LMX1A: variants seen among roughly 807,000 people sequenced by gnomAD.
The protein encoded by LMX1A is LIM homeobox transcription factor 1-alpha.
LMX1A carries 15 observed loss-of-function variants against 49.1 expected under a neutral mutation model. The ratio of observed to expected loss-of-function variants is 0.31; its 90% CI spans 0.20 to 0.47. The LOEUF (loss-of-function observed/expected upper bound fraction) is 0.47. Ranked by LOEUF, LMX1A falls within the 20% of genes least tolerant of loss-of-function variation. LMX1A has a pLI of 1.00. For synonymous variants in LMX1A, 167 were observed against 185.7 expected (o/e 0.90, Z 0.82); for missense variants, 372 against 475.8 (o/e 0.78, Z 2.03).
chr1:165,243,063 T>C (rs1403189782), intron 4 of LMX1A, among the ~76,000 whole-genome samples: 2 of 152,100 alleles, frequency 1.3e-5, no homozygotes, highest in African/African-American at 4.8e-5. Context: ...TATCGTTCAG[T>C]TGAGGGTTAT....
chr1:165,288,018 G>A (rs4361970), intron 3 of LMX1A, among the ~76,000 whole-genome samples: 16,464 of 152,234 alleles, frequency 0.11, 957 homozygotes, highest in Admixed American at 0.15. Context: ...TAATAAAACT[G>A]AAGTGTGTTA....
At chr1:165,241,357 T>G (rs969963830) in intron 4 of LMX1A, among the ~76,000 whole-genome samples, 82 of 152,376 alleles carry the variant, frequency 5.4e-4, no homozygotes, top group African/African-American at 1.9e-3. Flanking sequence ...ACACTGGCTC[T>G]CACACTAGGA....
chr1:165,298,693 A>G (rs10732283), intron 3 of LMX1A, among the ~76,000 whole-genome samples: 132,539 of 152,210 alleles, frequency 0.87, 57,774 homozygotes, highest in Middle Eastern at 0.92. Flanking sequence ...TAACTTCCCC[A>G]TAAAAGGAGC....
At chr1:165,315,698 C>A (rs111792639) in intron 3 of LMX1A, among the ~76,000 whole-genome samples, 5,270 of 152,242 alleles carry the variant, frequency 0.035, 264 homozygotes, top group African/African-American at 0.11. Context: ...GCCCCCTCTA[C>A]CCCCAGGAAA....
At chr1:165,313,253 C>T (rs977663709) in intron 3 of LMX1A, among the ~76,000 whole-genome samples, 2 of 152,090 alleles carry the variant, frequency 1.3e-5, no homozygotes, top group African/African-American at 4.8e-5. Flanking sequence ...GAGGGAGCAG[C>T]AGATGATTAA....
intron 3 of LMX1A, among the ~76,000 whole-genome samples, chr1:165,296,400 C>G (rs1654623873): frequency 6.6e-6 from 1 of 152,260 alleles, no homozygotes; most frequent in African/African-American, 2.4e-5. Context: ...GCAGGCCCCA[C>G]AGGGCACACT....
At chr1:165,249,380 G>A (rs377740848) in intron 4 of LMX1A, 28 bp downstream of exon 4, 109 of 1,542,298 alleles carry the variant, frequency 7.1e-5, no homozygotes, top group Middle Eastern at 5.1e-4. Flanking sequence ...CCACCCCACC[G>A]CAGCCCTGCC....
intron 3 of LMX1A, among the ~76,000 whole-genome samples, chr1:165,265,834 A>C (rs1653604182): frequency 6.6e-6 from 1 of 152,234 alleles, no homozygotes; most frequent in Non-Finnish European, 1.5e-5. Context: ...TTCACCAACG[A>C]GAAAACAACT....
chr1:165,322,725 A>C (rs1020689964), intron 3 of LMX1A, among the ~76,000 whole-genome samples: 8 of 152,182 alleles, frequency 5.3e-5, no homozygotes, highest in African/African-American at 1.9e-4. Flanking sequence ...GATGATGGAA[A>C]TATTCTGGAA....
At chr1:165,321,884 A>G (rs1655397563) in intron 3 of LMX1A, among the ~76,000 whole-genome samples, 1 of 152,168 alleles carries the variant, frequency 6.6e-6, no homozygotes, top group African/African-American at 2.4e-5. Flanking sequence ...TATCTAGGAT[A>G]TATAAAGAGT....
At chr1:165,238,659 G>T (rs1652535670) in intron 4 of LMX1A, among the ~76,000 whole-genome samples, 1 of 152,170 alleles carries the variant, frequency 6.6e-6, no homozygotes, top group African/African-American at 2.4e-5. Flanking sequence ...TATATGAAAA[G>T]GTCCTTCAGT....
At chr1:165,321,959 T>C (rs554600607) in intron 3 of LMX1A, among the ~76,000 whole-genome samples, 2 of 152,040 alleles carry the variant, frequency 1.3e-5, no homozygotes, top group African/African-American at 4.8e-5. Flanking sequence ...CCGGAATATA[T>C]AGAGTGCTAA....
chr1:165,225,926 C>T (rs16841290), intron 4 of LMX1A, among the ~76,000 whole-genome samples: 26,059 of 152,230 alleles, frequency 0.17, 2,502 homozygotes, highest in African/African-American at 0.25. Context: ...CACATTCTTA[C>T]TTTCAGTCAA....
intron 3 of LMX1A, among the ~76,000 whole-genome samples, chr1:165,285,599 T>A (rs1294524144): frequency 6.6e-6 from 1 of 152,164 alleles, no homozygotes; most frequent in Non-Finnish European, 1.5e-5. Flanking sequence ...GGGAAGATTA[T>A]GAAAGAGCCT....
chr1:165,206,858 CTTG>C (rs1469485348), intron 7 of LMX1A, among the ~76,000 whole-genome samples: 3 of 152,192 alleles, frequency 2.0e-5, no homozygotes, highest in African/African-American at 7.2e-5. Context: ...TAACATCTAC[CTTG>C]TTGTTAACAT....
At chr1:165,326,821 A>G (rs906634018) in intron 3 of LMX1A, among the ~76,000 whole-genome samples, 8 of 152,260 alleles carry the variant, frequency 5.3e-5, no homozygotes, top group African/African-American at 1.9e-4. Flanking sequence ...CAACTAGGAG[A>G]GATTCTAGAT....
chr1:165,263,108 G>T (rs139688359), intron 3 of LMX1A, among the ~76,000 whole-genome samples: 214 of 152,266 alleles, frequency 1.4e-3, no homozygotes, highest in African/African-American at 4.9e-3. Context: ...GAAATGTTTA[G>T]TTCTCTTCTT....
At chr1:165,230,407 A>ACC (rs35052733) in intron 4 of LMX1A, among the ~76,000 whole-genome samples, 19 of 152,010 alleles carry the variant, frequency 1.2e-4, no homozygotes, top group African/African-American at 3.9e-4. Flanking sequence ...GCCCAAGGAA[A>ACC]CCCCCCCAGT....
intron 3 of LMX1A, among the ~76,000 whole-genome samples, chr1:165,313,034 G>A (rs1351908331): frequency 6.6e-6 from 1 of 152,190 alleles, no homozygotes; most frequent in Non-Finnish European, 1.5e-5. Context: ...CCCTGAAGAA[G>A]TGGCATTCTT....
Sources: allele counts gnomAD v4.1 joint callset (sites outside exome capture counted in the v4.1 genomes callset), GRCh38; gene constraint gnomAD v4.1.1; transcripts MANE v1.5; gene names NCBI Gene and HGNC (gene_info 2026-07-23, HGNC 2026-07-21).